Variants in NCOR2 observed in about 807,000 individuals in gnomAD.
The protein encoded by NCOR2 is nuclear receptor corepressor 2.
In NCOR2, 81 loss-of-function variants were observed where a neutral mutation model predicts 262.9. The observed-to-expected ratio is 0.31, with a 90% confidence interval of 0.26 to 0.37. The LOEUF (loss-of-function observed/expected upper bound fraction) is 0.37, where lower values mean the gene tolerates loss of function less well. Among genes scored for constraint, NCOR2 ranks in the 10% least tolerant of loss-of-function variants. The pLI is 1.00. For missense variants in NCOR2, 3,385 were observed against 3,621.4 expected (o/e 0.93, Z 1.68); for synonymous variants, 1,659 against 1,559.3 (o/e 1.06, Z -1.51).
At chr12:124,331,023 T>C (rs2035141484) in intron 43 of NCOR2, 125 bp from the exon 46 acceptor site, 2 of 921,916 alleles carry the variant, frequency 2.2e-6, no homozygotes, top group Non-Finnish European at 3.4e-6. Flanking sequence ...TTGCAGGTTC[T>C]CATGCAGCAG....
At chr12:124,489,452 C>T (rs371941972) in intron 1 of NCOR2, among the ~76,000 whole-genome samples, 10 of 152,144 alleles carry the variant, frequency 6.6e-5, no homozygotes, top group African/African-American at 1.9e-4. Flanking sequence ...ATAAGGGGTA[C>T]GTTCTGAGAT....
intron 44 of NCOR2, 35 bp from the exon 47 acceptor site, chr12:124,327,668 TG>T: frequency 7.5e-7 from 1 of 1,339,874 alleles, no homozygotes; most frequent in Non-Finnish European, 9.9e-7. Flanking sequence ...GACAGACACA[TG>T]GGGGCCGGGG....
At chr12:124,533,755 T>C (rs701033) in intron 1 of NCOR2, among the ~76,000 whole-genome samples, 129,101 of 152,064 alleles carry the variant, frequency 0.85, 55,055 homozygotes, top group East Asian at 1. Context: ...GAGCTGGTGC[T>C]GTGGCTGTGG....
rs890455982 is a variant in NCOR2, at chr12:124,389,024, G to A, written c.1877-3137C>T. 2.7e-4 allele frequency among the ~76,000 whole-genome samples: 41 copies of A among 152,150 alleles called. No homozygotes were observed. The highest frequency in any genetic ancestry group is 1.0e-3 in the Admixed American group (16 of 15,290). On this transcript the variant is annotated intron_variant, in intron 16 of 46. Coordinates refer to ENST00000405201, the Ensembl canonical transcript of NCOR2. The surrounding 1 kb of genome is among the most constrained non-coding windows in gnomAD (Gnocchi z 4.4). ...AGCGGCCGCTGCCACCTCTGACGCC[G>A]TCCCCAAGCCGCTGTGGGCGCGCGA...
At chr12:124,371,262 GA>G (rs1167474686) in intron 20 of NCOR2, among the ~76,000 whole-genome samples, 1 of 141,164 alleles carries the variant, frequency 7.1e-6, no homozygotes, top group Non-Finnish European at 1.5e-5. Flanking sequence ...TTTGGCACCT[GA>G]ATCCACCAAG....
At chr12:124,341,246 T>C (rs1297006332) in intron 34 of NCOR2, among the ~76,000 whole-genome samples, 1 of 151,876 alleles carries the variant, frequency 6.6e-6, no homozygotes, top group East Asian at 1.9e-4. Flanking sequence ...TTTTCATCTT[T>C]TTTTTTTTTT....
At chr12:124,515,940 G>C (rs150637577) in intron 1 of NCOR2, among the ~76,000 whole-genome samples, 7 of 152,200 alleles carry the variant, frequency 4.6e-5, no homozygotes, top group African/African-American at 1.7e-4. Context: ...CTTCTCCACC[G>C]GGTAGGAAAA....
At chr12:124,508,684 A>C (rs1258151284) in intron 1 of NCOR2, among the ~76,000 whole-genome samples, 3 of 152,200 alleles carry the variant, frequency 2.0e-5, no homozygotes, top group Admixed American at 2.0e-4. Context: ...ACGGCATCCA[A>C]ATCTTTCCAG....
intron 3 of NCOR2, among the ~76,000 whole-genome samples, chr12:124,479,209 T>C (rs898173049): frequency 6.6e-6 from 1 of 152,228 alleles, no homozygotes; most frequent in African/African-American, 2.4e-5. Context: ...CTGAGCTGCC[T>C]GCGCACAAAC....
At chr12:124,374,313 G>T in intron 19 of NCOR2, 100 bp downstream of exon 21, 1 of 1,201,926 alleles carries the variant, frequency 8.3e-7, no homozygotes, top group Non-Finnish European at 1.2e-6. Flanking sequence ...ACAGAAAGAG[G>T]CATGTGCTCA....
chr12:124,428,264 G>A (rs933188546), intron 10 of NCOR2, among the ~76,000 whole-genome samples: 1 of 152,210 alleles, frequency 6.6e-6, no homozygotes, highest in Admixed American at 6.5e-5. Flanking sequence ...CAGCTCCGGC[G>A]CCCAGCCTTC....
rs1412678311 is a variant in NCOR2, at chr12:124,354,568, C to T, written c.3499G>A (p.Val1167Met). Reference sequence around the variant, plus strand: ...CGTGGGGACAGCTGCTCCTGCTTCACTCCGCTGAAGGGTGCTGAGGACCAG... The same window carrying T: ...CGTGGGGACAGCTGCTCCTGCTTCATTCCGCTGAAGGGTGCTGAGGACCAG... Residue 1167 changes from valine (V) to methionine (M), a missense_variant, in exon 26 of 47, where the codon GTG becomes ATG. Transcript: ENST00000405201. 4 of 1,592,246 alleles carry T rather than the reference C, an allele frequency of 2.5e-6. No individual in the cohort carries two copies. The South Asian group carries it at 3.4e-5, about 14-fold the overall frequency.
chr12:124,494,542 G>A (rs768929703), intron 1 of NCOR2, among the ~76,000 whole-genome samples: 10 of 152,164 alleles, frequency 6.6e-5, no homozygotes, highest in Admixed American at 1.3e-4. Flanking sequence ...CACACATGTG[G>A]GCAGGCAGCG....
At chr12:124,411,972 C>T (rs2042608916) in intron 13 of NCOR2, among the ~76,000 whole-genome samples, 2 of 152,250 alleles carry the variant, frequency 1.3e-5, no homozygotes, top group Non-Finnish European at 2.9e-5. Flanking sequence ...GCCTGCATCC[C>T]CGTGTCAGAA....
At chr12:124,469,552 CA>C (rs2046720368) in intron 4 of NCOR2, among the ~76,000 whole-genome samples, 1 of 152,174 alleles carries the variant, frequency 6.6e-6, no homozygotes, top group Non-Finnish European at 1.5e-5. Flanking sequence ...CTACCTGGGA[CA>C]CCTACAGAGA....
chr12:124,456,281 A>G (rs1243887), intron 6 of NCOR2, among the ~76,000 whole-genome samples: 146,477 of 152,320 alleles, frequency 0.96, 70,558 homozygotes, highest in East Asian at 1. Flanking sequence ...GGTAGCATAT[A>G]CCTTCAGTGC....
intron 12 of NCOR2, among the ~76,000 whole-genome samples, chr12:124,421,221 C>A (rs1032124279): frequency 6.6e-6 from 1 of 152,258 alleles, no homozygotes; most frequent in African/African-American, 2.4e-5. Context: ...CCGTTGGCAG[C>A]TCCTGCTCCA....
At chr12:124,502,221 G>A (rs530529069) in intron 1 of NCOR2, among the ~76,000 whole-genome samples, 3 of 152,336 alleles carry the variant, frequency 2.0e-5, no homozygotes, top group African/African-American at 7.2e-5. Context: ...TGAGGAAGGG[G>A]GTGAAGAGAG....
chr12:124,365,083 G>C (rs1464100158), intron 20 of NCOR2, among the ~76,000 whole-genome samples: 1 of 152,118 alleles, frequency 6.6e-6, no homozygotes, highest in Non-Finnish European at 1.5e-5. Context: ...TTGGGGGTAT[G>C]GAAGCAGCCC....
Sources: gnomAD v4.1 joint callset for allele counts (sites outside exome capture counted in the v4.1 genomes callset) on GRCh38, gnomAD v4.1.1 for gene constraint, Gnocchi (gnomAD v3.1) non-coding constraint, MANE v1.5 for transcripts, NCBI Gene and HGNC (gene_info 2026-07-23, HGNC 2026-07-21) for gene names.